PLCG2: variants seen among roughly 807,000 people sequenced by gnomAD.
PLCG2 encodes the protein 1-phosphatidylinositol 4,5-bisphosphate phosphodiesterase gamma-2.
In PLCG2, 69 loss-of-function variants were observed where a neutral mutation model predicts 175.6. The ratio of observed to expected loss-of-function variants is 0.39; its 90% CI spans 0.32 to 0.48. The LOEUF is 0.48. Among genes scored for constraint, PLCG2 ranks in the 20% least tolerant of loss-of-function variants. The pLI, the probability that PLCG2 is intolerant of heterozygous loss-of-function variation, is 0.91. For missense variants in PLCG2, 1,798 were observed against 1,650.9 expected, an observed-to-expected ratio of 1.09 and a Z score of -1.54; for synonymous variants, 827 against 624.0, an observed-to-expected ratio of 1.33 and a Z score of -4.85.
intron 11 of PLCG2, among the ~76,000 whole-genome samples, chr16:81,892,979 G>C (rs1028945341): frequency 6.6e-6 from 1 of 151,732 alleles, no homozygotes; most frequent in African/African-American, 2.4e-5. Context: ...CGAGTAGCTG[G>C]GACTCCGGGC....
intron 2 of PLCG2, among the ~76,000 whole-genome samples, chr16:81,845,631 G>A (rs1470428886): frequency 6.6e-6 from 1 of 152,240 alleles, no homozygotes; most frequent in African/African-American, 2.4e-5. Flanking sequence ...CTTGTTCCCA[G>A]CCTCGGGTCA....
exon 1 of PLCG2, chr16:81,739,254 C>T: frequency 6.6e-6 from 1 of 151,856 alleles, no homozygotes; most frequent in East Asian, 1.9e-4. Context: ...CCAGCGAGAC[C>T]CCAGGGCCCT....
At chr16:81,764,102 G>C (rs536764198) in intron 2 of PLCG2, among the ~76,000 whole-genome samples, 13 of 152,192 alleles carry the variant, frequency 8.5e-5, no homozygotes, top group African/African-American at 2.9e-4. Flanking sequence ...AGACCAGCCT[G>C]GGTAACATGG....
chr16:81,831,139 A>G (rs1905243409), intron 2 of PLCG2, among the ~76,000 whole-genome samples: 1 of 152,164 alleles, frequency 6.6e-6, no homozygotes, highest in Non-Finnish European at 1.5e-5. Flanking sequence ...GTCACACACC[A>G]TGCTTTGCTC....
chr16:81,753,150 C>A (rs2143070030), intron 1 of PLCG2, among the ~76,000 whole-genome samples: 1 of 35,884 alleles, frequency 2.8e-5, no homozygotes, highest in East Asian at 5.0e-4. Flanking sequence ...CCCTTCCACA[C>A]CCCCTCGGCC....
rs1661115006 is a variant in PLCG2, at chr16:81,929,108, G to A, written c.2581+484G>A. The stretch of plus-strand genomic sequence containing the variant: ...GGCCCAGGAAACCCAGCCCGCCCAC[G>A]TTGACCATGCTGCAACGGGATGTGA... On this transcript the variant is annotated intron_variant, in intron 24 of 32. Transcript: ENST00000564138. 4.6e-5 allele frequency among the ~76,000 whole-genome samples: 7 copies of A among 152,200 alleles called. No homozygotes were observed. The South Asian group carries it at 8.3e-4, about 18-fold the overall frequency.
intron 7 of PLCG2, among the ~76,000 whole-genome samples, chr16:81,878,280 G>A (rs1188249425): frequency 2.6e-5 from 4 of 151,714 alleles, no homozygotes; most frequent in African/African-American, 7.3e-5. Flanking sequence ...CACCGTGCCC[G>A]GCCCAAATCT....
At chr16:81,807,468 C>T (rs772689405) in intron 2 of PLCG2, among the ~76,000 whole-genome samples, 4 of 152,180 alleles carry the variant, frequency 2.6e-5, no homozygotes, top group African/African-American at 7.2e-5. Flanking sequence ...GCCCATCAAG[C>T]CCCCACATCG....
At chr16:81,893,195 T>C (rs1334874209) in intron 11 of PLCG2, among the ~76,000 whole-genome samples, 1 of 152,170 alleles carries the variant, frequency 6.6e-6, no homozygotes, top group Admixed American at 6.5e-5. Flanking sequence ...GGGTGAATCA[T>C]GACAAGGAGG....
intron 1 of PLCG2, 162 bp from the exon 2 acceptor site, chr16:81,785,781 C>T: frequency 1.8e-6 from 1 of 548,398 alleles, no homozygotes; most frequent in Non-Finnish European, 3.3e-6. Context: ...TGTGTCCTGC[C>T]TTAGCTCTCT....
intron 2 of PLCG2, among the ~76,000 whole-genome samples, chr16:81,834,739 C>G (rs1347627720): frequency 6.6e-6 from 1 of 152,196 alleles, no homozygotes; most frequent in Non-Finnish European, 1.5e-5. Context: ...CAAGGCATGG[C>G]TGCCCTTTAC....
At position 81,962,595 on chromosome 16, in the gene PLCG2, GTGAA is replaced by G. The variant is rs1263507374; in HGVS notation, c.*4601_*4604del. ...GTGCTTTGTGTACATAGAGAATTAAGTGAATGAGTCACACAGATGTTGGCTGTTG... is the reference window on the plus strand; with the variant it reads ...GTGCTTTGTGTACATAGAGAATTAAGTGAGTCACACAGATGTTGGCTGTTG... On this transcript the variant is annotated 3_prime_UTR_variant, in exon 33 of 33. Coordinates refer to ENST00000564138, the MANE Select transcript of PLCG2 (RefSeq NM_002661.5). 4.5e-6 allele frequency: 1 copy of G among 222,500 alleles called. No individual in the cohort carries two copies. The highest frequency in any genetic ancestry group is 9.0e-6 in the Non-Finnish European group (1 of 111,528). The allele number at this position is 222,500 out of a possible 1,614,324, so 13.8% of individuals were successfully genotyped here.
intron 2 of PLCG2, among the ~76,000 whole-genome samples, chr16:81,792,389 C>G (rs111918467): frequency 0.22 from 30,782 of 142,962 alleles, 3,348 homozygotes; most frequent in Middle Eastern, 0.26. Context: ...GGCTGAGGCA[C>G]AGAATTGCTT....
At chr16:81,877,388 G>C (rs942107113) in intron 7 of PLCG2, among the ~76,000 whole-genome samples, 4 of 152,208 alleles carry the variant, frequency 2.6e-5, no homozygotes, top group Admixed American at 1.3e-4. Context: ...CCTGGAGGCG[G>C]AACTTACAGT....
upstream of PLCG2, among the ~76,000 whole-genome samples, chr16:81,775,709 G>A (rs1364106121): frequency 2.0e-5 from 3 of 152,156 alleles, no homozygotes; most frequent in African/African-American, 7.2e-5. Flanking sequence ...AATACAAAGA[G>A]TCAAGATGAT....
chr16:81,890,884 C>G (rs188214403), intron 10 of PLCG2, among the ~76,000 whole-genome samples: 3 of 152,126 alleles, frequency 2.0e-5, no homozygotes, highest in African/African-American at 7.2e-5. Flanking sequence ...TATATGAGGC[C>G]GGGTGCAGTG....
chr16:81,774,351 A>C (rs1032900987), upstream of PLCG2, among the ~76,000 whole-genome samples: 1 of 151,944 alleles, frequency 6.6e-6, no homozygotes. Context: ...AAAACAAAAC[A>C]AAACCCACAA....
intron 2 of PLCG2, among the ~76,000 whole-genome samples, chr16:81,773,824 AGAGT>A (rs1405396988): frequency 6.6e-6 from 1 of 152,280 alleles, no homozygotes; most frequent in East Asian, 1.9e-4. Flanking sequence ...AGAGCTACAG[AGAGT>A]GAGCGACTGG....
intron 22 of PLCG2, among the ~76,000 whole-genome samples, chr16:81,926,351 C>T (rs1419666973): frequency 6.6e-6 from 1 of 152,110 alleles, no homozygotes; most frequent in African/African-American, 2.4e-5. Context: ...GAAAATAGCT[C>T]AAGAGATGGG....
Sources: allele counts gnomAD v4.1 joint callset (sites outside exome capture counted in the v4.1 genomes callset), GRCh38; gene constraint gnomAD v4.1.1; transcripts MANE v1.5; gene names NCBI Gene and HGNC (gene_info 2026-07-23, HGNC 2026-07-21).